Variants in RPTOR observed in about 807,000 individuals in gnomAD.
RPTOR encodes regulatory-associated protein of mTOR.
A neutral mutation model predicts 169.9 loss-of-function variants in RPTOR; 21 were observed. That is an observed-to-expected ratio of 0.12 (90% CI 0.09 to 0.18). RPTOR has a LOEUF of 0.18. RPTOR is among the 10% of genes least tolerant of loss of function. RPTOR has a pLI of 1.00. For synonymous variants in RPTOR, 732 were observed against 753.2 expected (o/e 0.97, Z 0.46); for missense variants, 1,133 against 1,855.9 (o/e 0.61, Z 7.16).
chr17:80,954,916 CA>C (rs531519811), intron 28 of RPTOR, among the ~76,000 whole-genome samples: 197 of 148,690 alleles, frequency 1.3e-3, no homozygotes, highest in South Asian at 2.4e-3. Flanking sequence ...GACTACATCT[CA>C]AAAAAAAAGA....
rs2066157433 is a variant in RPTOR at position 80,708,395 on chromosome 17, T to C, written c.507+396T>C. ...AGAAAATAAAGTGTTTTATATATTC[T>C]AAAGGGCTAATTCCAAGCTGCCCTG... On this transcript the variant is annotated intron_variant, in intron 4 of 33. Transcript: ENST00000306801. The surrounding 1 kb of genome is among the most constrained non-coding windows in gnomAD (Gnocchi z 4.2). Among the ~76,000 whole-genome samples the C allele has an allele frequency of 6.6e-6, 1 of 152,250 alleles. No individual in the cohort carries two copies. Among genetic ancestry groups the C allele is most frequent in the Non-Finnish European group, 1.5e-5 (1 of 68,050 alleles).
At chr17:80,840,223 C>A (rs182975070) in intron 10 of RPTOR, among the ~76,000 whole-genome samples, 9 of 152,228 alleles carry the variant, frequency 5.9e-5, no homozygotes, top group Admixed American at 5.9e-4. Flanking sequence ...CGTGGAGTCA[C>A]GCAGGGTGTA....
At chr17:80,808,660 C>T (rs2067243092) in intron 7 of RPTOR, among the ~76,000 whole-genome samples, 1 of 152,176 alleles carries the variant, frequency 6.6e-6, no homozygotes, top group Non-Finnish European at 1.5e-5. Flanking sequence ...TCCCCTTGTA[C>T]CTGTCCCAGT....
At chr17:80,822,950 T>C in intron 8 of RPTOR, 129 bp from the exon 9 acceptor site, 1 of 941,046 alleles carries the variant, frequency 1.1e-6, no homozygotes. Flanking sequence ...TGTGTGTGTG[T>C]TGCTGATGGG....
chr17:80,962,453 C>T lies in RPTOR; in HGVS notation c.3693-8C>T, dbSNP rs747749835. The T allele has an allele frequency of 6.2e-7, 1 of 1,612,044 alleles. No homozygotes were observed. The highest frequency in any genetic ancestry group is 1.7e-4 in the Middle Eastern group (1 of 6,058). On this transcript the variant is annotated splice_region_variant and splice_polypyrimidine_tract_variant and intron_variant, in intron 31 of 33. Coordinates refer to ENST00000306801, the MANE Select transcript of RPTOR (RefSeq NM_020761.3). ...GGAGGAGGTGTCACTGTGACCCTCT[C>T]TTGGCAGCGTCAATGGAGATGTGCG...
intron 17 of RPTOR, among the ~76,000 whole-genome samples, chr17:80,889,333 C>T (rs558095503): frequency 1.2e-4 from 18 of 152,296 alleles, no homozygotes; most frequent in Middle Eastern, 3.4e-3. Flanking sequence ...AAGGGCTGAG[C>T]TGACAGGTGA....
At chr17:80,684,851 A>T (rs1411617297) in intron 3 of RPTOR, among the ~76,000 whole-genome samples, 1 of 152,150 alleles carries the variant, frequency 6.6e-6, no homozygotes, top group Admixed American at 6.5e-5. Context: ...AAATCACTCC[A>T]TGTCAGTTTC....
chr17:80,610,103 T>G (rs1218262297), intron 1 of RPTOR, among the ~76,000 whole-genome samples: 1 of 152,160 alleles, frequency 6.6e-6, no homozygotes, highest in Non-Finnish European at 1.5e-5. Context: ...ATTTATTGGT[T>G]TACTGTCCTT....
rs1465037656 is a variant in RPTOR at position 80,962,922 on chromosome 17, C to A, written c.3810-6C>A. ...AGTGATGCCGGGACCCTTTCTCTCC[C>A]CACAGTGGCTCCGTCAATCAGTTCA... On this transcript the variant is annotated splice_region_variant and splice_polypyrimidine_tract_variant and intron_variant, in intron 32 of 33. Coordinates refer to ENST00000306801, the MANE Select transcript of RPTOR (RefSeq NM_020761.3). 1.9e-6 allele frequency: 3 copies of A among 1,613,408 alleles called. No homozygotes were observed. The highest frequency in any genetic ancestry group is 2.5e-6 in the Non-Finnish European group (3 of 1,179,908).
intron 4 of RPTOR, among the ~76,000 whole-genome samples, chr17:80,714,802 C>T (rs960558476): frequency 6.6e-6 from 1 of 152,194 alleles, no homozygotes; most frequent in African/African-American, 2.4e-5. Context: ...CCACCCACTG[C>T]AACCTTTGTC....
rs2069272701 is a variant in RPTOR, at chr17:80,957,809, A to G, written c.3477+79A>G. ...GCTGGTCCTCGTCACAGAACCCAGC[A>G]AAGTGTGCGGTGAGGCCTGGCCATC... On this transcript the variant is annotated intron_variant, in intron 29 of 33. Transcript: ENST00000306801. This position sits in a 1 kb window ranked among gnomAD's most constrained non-coding sequence, Gnocchi z 4.6. 12 of 1,347,590 alleles carry G rather than the reference A, an allele frequency of 8.9e-6. No homozygotes were observed. The South Asian group carries it at 1.1e-4, about 12-fold the overall frequency. The allele number at this position is 1,347,590 out of a possible 1,614,324, so 83.5% of individuals were successfully genotyped here.
chr17:80,744,137 T>G (rs374535736), intron 5 of RPTOR, among the ~76,000 whole-genome samples: 9 of 73,412 alleles, frequency 1.2e-4, no homozygotes, highest in South Asian at 4.4e-4. Flanking sequence ...CCCTGGCTAC[T>G]AGCACTATCC....
intron 1 of RPTOR, among the ~76,000 whole-genome samples, chr17:80,557,183 G>C (rs1787960057): frequency 6.6e-6 from 1 of 152,194 alleles, no homozygotes. Context: ...TAGAGCTAGA[G>C]TTTTAACAAG....
intron 3 of RPTOR, among the ~76,000 whole-genome samples, chr17:80,674,303 A>G (rs1274571643): frequency 6.6e-6 from 1 of 152,230 alleles, no homozygotes; most frequent in African/African-American, 2.4e-5. Context: ...TTTTTCTTGA[A>G]CATGAAAACC....
chr17:80,914,254 TGGCA>T lies in RPTOR; in HGVS notation c.2520+5328_2520+5331del, dbSNP rs1210465085. Among the ~76,000 whole-genome samples the T allele has an allele frequency of 3.3e-5, 5 of 152,188 alleles. No homozygotes were observed. In the South Asian group the frequency reaches 1.0e-3, roughly 31 times the overall value. ...GGTGGAATCCCACCCCCTTCCAAAC[TGGCA>T]GGGTGGGAGCCTCATGCTCCCCAGG... On this transcript the variant is annotated intron_variant, in intron 21 of 33. Transcript: ENST00000306801.
chr17:80,888,046 G>C (rs971503476), intron 17 of RPTOR, among the ~76,000 whole-genome samples: 3 of 152,216 alleles, frequency 2.0e-5, no homozygotes, highest in African/African-American at 7.2e-5. Context: ...AGCGGGGCTT[G>C]GATGGGGGCT....
At chr17:80,566,823 C>CAAAAAAAAAAAAAAA (rs56295360) in intron 1 of RPTOR, among the ~76,000 whole-genome samples, 1 of 83,996 alleles carries the variant, frequency 1.2e-5, no homozygotes, top group Admixed American at 1.5e-4. Flanking sequence ...GACTCCGTCT[C>CAAAAAAAAAAAAAAA]AAAAAAAAAA....
chr17:80,583,993 G>A (rs188144604), intron 1 of RPTOR, among the ~76,000 whole-genome samples: 8 of 152,310 alleles, frequency 5.3e-5, no homozygotes, highest in Admixed American at 3.3e-4. Context: ...GGCTGCAGGC[G>A]GTGAAGGTGC....
intron 1 of RPTOR, among the ~76,000 whole-genome samples, chr17:80,607,320 G>GT (rs1232740041): frequency 6.6e-6 from 1 of 152,184 alleles, no homozygotes; most frequent in African/African-American, 2.4e-5. Flanking sequence ...ACTGAAGGTA[G>GT]TTTTGGATCT....
Sources: gnomAD v4.1 joint callset for allele counts (sites outside exome capture counted in the v4.1 genomes callset) on GRCh38, gnomAD v4.1.1 for gene constraint, Gnocchi (gnomAD v3.1) non-coding constraint, MANE v1.5 for transcripts, NCBI Gene and HGNC (gene_info 2026-07-23, HGNC 2026-07-21) for gene names.